Variants in LRRC53 observed in about 807,000 individuals in gnomAD.
LRRC53 encodes the protein leucine rich repeat containing 53.
Under a neutral mutation model 13.6 loss-of-function variants are expected in LRRC53, and 25 were observed. That is an observed-to-expected ratio of 1.83 (90% CI 1.34 to 2.56). The LOEUF is 2.56. Ranked by LOEUF, LRRC53 falls within the 30% of genes most tolerant of loss-of-function variation. The probability of loss-of-function intolerance (pLI) is 0.00; values close to 1 mark genes in which losing one functional copy is unlikely to be tolerated. For synonymous variants in LRRC53, 204 were observed against 109.8 expected (o/e 1.86, Z -5.37); for missense variants, 527 against 275.8 (o/e 1.91, Z -6.45).
the LRRC53 span, among the ~76,000 whole-genome samples, chr1:74,517,704 C>T: frequency 6.6e-6 from 1 of 152,110 alleles, no homozygotes; most frequent in Non-Finnish European, 1.5e-5. Flanking sequence ...GTAAAGAGTA[C>T]GACTGGTAAA....
At chr1:74,517,008 T>C (rs182197737), upstream of LRRC53, among the ~76,000 whole-genome samples, 5 of 152,294 alleles carry the variant, frequency 3.3e-5, no homozygotes, top group Admixed American at 2.0e-4. Flanking sequence ...AAAACACTGA[T>C]AGCAATTCAA....
intron 1 of LRRC53, chr1:74,492,395 A>C (rs1669126043): frequency 8.1e-7 from 1 of 1,229,740 alleles, no homozygotes; most frequent in South Asian, 3.4e-5. Flanking sequence ...AGGAGTTTTC[A>C]GCCCATTTTT....
chr1:74,483,970 A>C (rs1668625373), intron 1 of LRRC53, among the ~76,000 whole-genome samples: 1 of 152,122 alleles, frequency 6.6e-6, no homozygotes, highest in African/African-American at 2.4e-5. Context: ...GTTTTTACTG[A>C]CTATATTATC....
chr1:74,526,910 G>T, the LRRC53 span, among the ~76,000 whole-genome samples: 2 of 152,194 alleles, frequency 1.3e-5, no homozygotes, highest in Non-Finnish European at 2.9e-5. Context: ...ACACTCATTT[G>T]TTTACATATT....
At chr1:74,478,731 C>T (rs968011580) in intron 3 of LRRC53, among the ~76,000 whole-genome samples, 3 of 152,196 alleles carry the variant, frequency 2.0e-5, no homozygotes, top group Non-Finnish European at 2.9e-5. Context: ...ATGTGAACCC[C>T]ACCATCTATT....
chr1:74,534,021 A>C, the LRRC53 span, among the ~76,000 whole-genome samples: 1 of 152,196 alleles, frequency 6.6e-6, no homozygotes, highest in East Asian at 1.9e-4. Context: ...TTGCATCCCC[A>C]AAACGCCGGT....
At chr1:74,476,074 T>G (rs1013095435) in intron 3 of LRRC53, among the ~76,000 whole-genome samples, 1 of 152,162 alleles carries the variant, frequency 6.6e-6, no homozygotes, top group Non-Finnish European at 1.5e-5. Context: ...AAAGGCTGTT[T>G]CATGAACTGA....
intron 4 of LRRC53, among the ~76,000 whole-genome samples, chr1:74,474,869 C>T (rs573789278): frequency 1.3e-5 from 2 of 152,136 alleles, no homozygotes; most frequent in South Asian, 4.2e-4. Context: ...TTAGAGGGCC[C>T]ATTCTTCTAA....
At chr1:74,490,026 C>G (rs1233716541) in intron 1 of LRRC53, among the ~76,000 whole-genome samples, 1 of 59,304 alleles carries the variant, frequency 1.7e-5, no homozygotes, top group Non-Finnish European at 3.1e-5. Context: ...GTGGAACCAT[C>G]AAGAAAAGCA....
the LRRC53 span, among the ~76,000 whole-genome samples, chr1:74,526,214 G>A: frequency 6.6e-6 from 1 of 152,124 alleles, no homozygotes; most frequent in African/African-American, 2.4e-5. Flanking sequence ...ATTTCTTGCA[G>A]GGATGTGAAT....
At chr1:74,473,562 G>A (rs1250542744) in intron 4 of LRRC53, among the ~76,000 whole-genome samples, 1 of 151,358 alleles carries the variant, frequency 6.6e-6, no homozygotes, top group Non-Finnish European at 1.5e-5. Context: ...ACATTGTTAG[G>A]TGTTAGGCCT....
intron 1 of LRRC53, among the ~76,000 whole-genome samples, chr1:74,506,379 C>T (rs1020240139): frequency 2.6e-5 from 4 of 152,134 alleles, no homozygotes; most frequent in African/African-American, 9.7e-5. Flanking sequence ...GGCTTTGTAA[C>T]TAGTAAACAG....
intron 1 of LRRC53, chr1:74,489,117 C>G: frequency 7.7e-7 from 1 of 1,295,176 alleles, no homozygotes; most frequent in Non-Finnish European, 1.1e-6. Flanking sequence ...TGCTAATACC[C>G]AATTTTAACA....
At chr1:74,526,349 A>T in the LRRC53 span, among the ~76,000 whole-genome samples, 9 of 152,170 alleles carry the variant, frequency 5.9e-5, no homozygotes, top group Non-Finnish European at 1.0e-4. Flanking sequence ...TTTATCTTCC[A>T]TCAATAAAAT....
intron 1 of LRRC53, among the ~76,000 whole-genome samples, chr1:74,486,497 T>C (rs1489916985): frequency 2.5e-5 from 3 of 122,404 alleles, no homozygotes; most frequent in Non-Finnish European, 4.7e-5. Flanking sequence ...TGTGTGTTTT[T>C]TGTTTTTTGC....
chr1:74,490,313 A>T (rs1222760585), intron 1 of LRRC53, among the ~76,000 whole-genome samples: 4 of 152,224 alleles, frequency 2.6e-5, no homozygotes, highest in African/African-American at 9.6e-5. Context: ...GCCCCTGTGG[A>T]CAAAAGCATC....
At chr1:74,473,432 G>A (rs1668034362) in intron 4 of LRRC53, among the ~76,000 whole-genome samples, 1 of 151,946 alleles carries the variant, frequency 6.6e-6, no homozygotes, top group African/African-American at 2.4e-5. Flanking sequence ...TTTTCATCCA[G>A]AGGAAGAAGT....
chr1:74,536,164 T>C, the LRRC53 span, among the ~76,000 whole-genome samples: 1 of 152,130 alleles, frequency 6.6e-6, no homozygotes, highest in African/African-American at 2.4e-5. Context: ...TATTTGCATA[T>C]ATTATCTTCT....
the LRRC53 span, among the ~76,000 whole-genome samples, chr1:74,525,776 C>T: frequency 3.9e-5 from 6 of 152,210 alleles, no homozygotes; most frequent in Non-Finnish European, 5.9e-5. Flanking sequence ...ATACAGAAGC[C>T]GGGAGCAGCA....
Sources: gnomAD v4.1 joint callset for allele counts (sites outside exome capture counted in the v4.1 genomes callset) on GRCh38, gnomAD v4.1.1 for gene constraint, MANE v1.5 for transcripts, NCBI Gene and HGNC (gene_info 2026-07-23, HGNC 2026-07-21) for gene names.